The following ZNF385D variants were observed in gnomAD, a reference collection of about 807,000 sequenced individuals.
ZNF385D encodes the protein zinc finger protein 385D.
A neutral mutation model predicts 35.8 loss-of-function variants in ZNF385D; 15 were observed. That is an observed-to-expected ratio of 0.42 (90% CI 0.28 to 0.64). The LOEUF is 0.64. ZNF385D is among the 30% of genes least tolerant of loss of function. The pLI is 0.23. For missense variants in ZNF385D, 474 were observed against 494.6 expected (o/e 0.96, Z 0.39); for synonymous variants, 212 against 186.8 (o/e 1.13, Z -1.10).
chr3:22,171,048 A>C (rs1694383588), intron 2 of ZNF385D, among the ~76,000 whole-genome samples: 1 of 152,360 alleles, frequency 6.6e-6, no homozygotes, highest in Admixed American at 6.5e-5. Context: ...TGGCAAGATT[A>C]GAGTTGGCTT....
At chr3:22,355,090 G>A (rs975790187) in intron 2 of ZNF385D, among the ~76,000 whole-genome samples, 1 of 152,034 alleles carries the variant, frequency 6.6e-6, no homozygotes, top group African/African-American at 2.4e-5. Context: ...TATAGTAAGT[G>A]TATTTCAATG....
At chr3:21,548,129 C>A (rs775140222) in intron 3 of ZNF385D, among the ~76,000 whole-genome samples, 1 of 152,116 alleles carries the variant, frequency 6.6e-6, no homozygotes, top group Non-Finnish European at 1.5e-5. Context: ...TTTCTCTTTT[C>A]ACCCAATAAA....
chr3:21,528,638 A>G (rs1175090491), intron 3 of ZNF385D, among the ~76,000 whole-genome samples: 1 of 152,204 alleles, frequency 6.6e-6, no homozygotes, highest in Non-Finnish European at 1.5e-5. Flanking sequence ...GATTCAATGG[A>G]TCAAAAACTC....
intron 3 of ZNF385D, among the ~76,000 whole-genome samples, chr3:22,008,300 T>C (rs898342703): frequency 1.3e-5 from 2 of 151,366 alleles, no homozygotes; most frequent in African/African-American, 4.9e-5. Flanking sequence ...AAATACTTAA[T>C]AGAACAAAAG....
At chr3:22,273,110 G>T (rs1182583006) in intron 2 of ZNF385D, among the ~76,000 whole-genome samples, 4 of 151,888 alleles carry the variant, frequency 2.6e-5, no homozygotes, top group Admixed American at 2.6e-4. Context: ...ACAAGGAAAA[G>T]AATCATTTTA....
At chr3:22,296,967 AAC>A (rs1231080210) in intron 2 of ZNF385D, among the ~76,000 whole-genome samples, 8 of 152,100 alleles carry the variant, frequency 5.3e-5, no homozygotes, top group Non-Finnish European at 1.0e-4. Context: ...TGGAAATAGT[AAC>A]AGTTTTGCCC....
intron 3 of ZNF385D, among the ~76,000 whole-genome samples, chr3:21,514,550 C>T (rs549031436): frequency 2.0e-5 from 3 of 152,092 alleles, no homozygotes; most frequent in African/African-American, 7.2e-5. Flanking sequence ...TAACAAGTAG[C>T]GGAATCTAAA....
intron 2 of ZNF385D, among the ~76,000 whole-genome samples, chr3:22,335,414 A>AT (rs1695119794): frequency 1.3e-5 from 2 of 152,098 alleles, no homozygotes; most frequent in South Asian, 4.1e-4. Flanking sequence ...GTGGTCTAAT[A>AT]TTTTTTCCTT....
At chr3:22,210,974 C>T (rs1156666443) in intron 2 of ZNF385D, among the ~76,000 whole-genome samples, 1 of 151,862 alleles carries the variant, frequency 6.6e-6, no homozygotes, top group East Asian at 1.9e-4. Flanking sequence ...TTCCTTAAAA[C>T]AAGTTTTGAA....
chr3:21,563,432 G>A (rs1281979147), intron 3 of ZNF385D: 1 of 152,120 alleles, frequency 6.6e-6, no homozygotes, highest in African/African-American at 2.4e-5. Flanking sequence ...TAAGTCAATG[G>A]ATATTGTAAA....
intron 2 of ZNF385D, among the ~76,000 whole-genome samples, chr3:21,570,660 T>C (rs1256686829): frequency 6.6e-6 from 1 of 152,188 alleles, no homozygotes; most frequent in East Asian, 1.9e-4. Context: ...TTGATGGTCA[T>C]AGAATTTTTA....
At chr3:22,149,465 G>A (rs925070341) in intron 3 of ZNF385D, among the ~76,000 whole-genome samples, 8 of 152,086 alleles carry the variant, frequency 5.3e-5, no homozygotes, top group South Asian at 4.1e-4. Flanking sequence ...CAACAGAATC[G>A]CCCAAAGCGT....
At chr3:21,525,591 G>A (rs1708174436) in intron 3 of ZNF385D, among the ~76,000 whole-genome samples, 1 of 150,548 alleles carries the variant, frequency 6.6e-6, no homozygotes. Flanking sequence ...GGCTGAGGGA[G>A]GAGAATTGCT....
chr3:21,802,960 G>T (rs145416821), intron 3 of ZNF385D, among the ~76,000 whole-genome samples: 1 of 152,184 alleles, frequency 6.6e-6, no homozygotes, highest in African/African-American at 2.4e-5. Flanking sequence ...ATGGGGAGAA[G>T]AGAAGAACGA....
intron 2 of ZNF385D, among the ~76,000 whole-genome samples, chr3:21,634,413 A>G (rs2065370156): frequency 6.6e-6 from 1 of 151,972 alleles, no homozygotes; most frequent in South Asian, 2.1e-4. Flanking sequence ...GGGAAAGGGA[A>G]CAATGGCTTT....
intron 2 of ZNF385D, among the ~76,000 whole-genome samples, chr3:22,240,333 C>T (rs866341377): frequency 6.6e-6 from 1 of 151,008 alleles, no homozygotes; most frequent in Non-Finnish European, 1.5e-5. Flanking sequence ...AAAGAACACA[C>T]ATAACCCACA....
intron 2 of ZNF385D, among the ~76,000 whole-genome samples, chr3:22,254,217 A>T (rs1020263491): frequency 1.3e-5 from 2 of 151,910 alleles, no homozygotes; most frequent in African/African-American, 4.8e-5. Flanking sequence ...AAAAGAAATT[A>T]AAATGAGCAA....
At chr3:21,621,467 C>T (rs2065003199) in intron 2 of ZNF385D, among the ~76,000 whole-genome samples, 1 of 151,450 alleles carries the variant, frequency 6.6e-6, no homozygotes, top group African/African-American at 2.4e-5. Flanking sequence ...ACAGCAGTGG[C>T]TACTAGGAAT....
At chr3:22,298,127 AG>A (rs1702692129) in intron 2 of ZNF385D, among the ~76,000 whole-genome samples, 1 of 151,988 alleles carries the variant, frequency 6.6e-6, no homozygotes, top group Admixed American at 6.6e-5. Context: ...TTAAGAAAAA[AG>A]TCAAATGAAG....
Sources: allele counts gnomAD v4.1 joint callset (sites outside exome capture counted in the v4.1 genomes callset), GRCh38; gene constraint gnomAD v4.1.1; transcripts MANE v1.5; gene names NCBI Gene and HGNC (gene_info 2026-07-23, HGNC 2026-07-21).